Variants in RP1 observed in about 807,000 individuals in gnomAD.
RP1 encodes oxygen-regulated protein 1.
A neutral mutation model predicts 14.8 loss-of-function variants in RP1; 16 were observed. That is an observed-to-expected ratio of 1.08 (90% CI 0.73 to 1.65). The LOEUF (loss-of-function observed/expected upper bound fraction) is 1.65, where lower values mean the gene tolerates loss of function less well. Ranked by LOEUF, RP1 falls within the 40% of genes most tolerant of loss-of-function variation. The pLI is 0.00. For missense variants in RP1, 2,631 were observed against 2,535.0 expected (o/e 1.04, Z -0.81); for synonymous variants, 876 against 883.6 (o/e 0.99, Z 0.15).
At chr8:54,710,282 C>T (rs1219676075) in intron 15 of RP1, among the ~76,000 whole-genome samples, 4 of 152,218 alleles carry the variant, frequency 2.6e-5, no homozygotes, top group Admixed American at 6.5e-5. Context: ...CAAGTGCAGG[C>T]ACTGGAGCAA....
chr8:54,782,130 G>C (rs1404626872), intron 23 of RP1, among the ~76,000 whole-genome samples: 1 of 152,164 alleles, frequency 6.6e-6, no homozygotes, highest in Non-Finnish European at 1.5e-5. Flanking sequence ...ATTAAGTTAT[G>C]ATAGGATTCT....
Position 54,618,718 on chromosome 8 carries a change from C to T in RP1, c.-12-2237C>T, listed in dbSNP as rs371035707. The stretch of plus-strand genomic sequence containing the variant: ...TCATCCAGGCTGGGGTGCAGTGGTG[C>T]GATCTCAGCTCACTGCAACATCTGC... On this transcript the variant is annotated intron_variant, in intron 1 of 3. Coordinates refer to ENST00000220676, the MANE Select transcript of RP1 (RefSeq NM_006269.2). Among the ~76,000 whole-genome samples, 343 of 152,130 alleles carry T rather than the reference C, an allele frequency of 2.3e-3. 2 individuals carry two copies. Among genetic ancestry groups the T allele is most frequent in the South Asian group, 8.7e-3 (42 of 4,806 alleles).
chr8:54,601,090 C>T (rs1035770214), intron 1 of RP1, among the ~76,000 whole-genome samples: 3 of 152,136 alleles, frequency 2.0e-5, no homozygotes, highest in Admixed American at 2.0e-4. Flanking sequence ...CTGACCATTT[C>T]GTTTTGCCAT....
chr8:54,744,191 C>T (rs1809167165), intron 19 of RP1, among the ~76,000 whole-genome samples: 1 of 152,098 alleles, frequency 6.6e-6, no homozygotes, highest in South Asian at 2.1e-4. Flanking sequence ...AAAGATATGA[C>T]CATGGTGCAG....
intron 3 of RP1, among the ~76,000 whole-genome samples, chr8:54,636,318 C>T (rs555944776): frequency 1.3e-5 from 2 of 152,312 alleles, no homozygotes; most frequent in Admixed American, 6.5e-5. Flanking sequence ...AAGAGGCATC[C>T]CATGGAAGGC....
rs1004172147 is a variant in RP1 at position 54,734,568 on chromosome 8, A to G, written c.2545A>G (p.Ser849Gly). ...AGAAGAAATCAGACATTTCCAAAGT[A>G]GTGAGACTCTTCTGTCAGAAGATGA... Residue 849 changes from serine (S) to glycine (G), a missense_variant, in exon 18 of 23, where the codon AGT becomes GGT. By Grantham distance (56) the Ser-to-Gly change is moderately conservative. Coordinates refer to the RP1 transcript ENST00000636932. The G allele has an allele frequency of 7.2e-6, 11 of 1,535,244 alleles. No individual in the cohort carries two copies. The Admixed American group carries it at 2.2e-4, about 30-fold the overall frequency.
At position 54,626,795 on chromosome 8, in the gene RP1, T is replaced by C; in HGVS notation, c.2913T>C (p.Ser971=). ...AAATAAGTAATTTTGTTATGGAAAG[T>C]AATAAGCACATAACTAAAATTGCCG... is the stretch of plus-strand genomic sequence containing the variant. ...SGKISNFVME[S]NKHITKIAGL... The change falls in exon 4 of 4, where the codon AGT becomes AGC. Residue 971 remains serine, a synonymous_variant. Coordinates refer to ENST00000220676, the MANE Select transcript of RP1 (RefSeq NM_006269.2). 6.2e-7 allele frequency: 1 copy of C among 1,613,806 alleles called. No individual in the cohort carries two copies. The highest frequency in any genetic ancestry group is 8.5e-7 in the Non-Finnish European group (1 of 1,179,928).
intron 23 of RP1, among the ~76,000 whole-genome samples, chr8:54,783,167 T>C (rs1414163459): frequency 1.3e-5 from 2 of 152,178 alleles, no homozygotes; most frequent in Admixed American, 1.3e-4. Context: ...CTAGTACAGA[T>C]GATGCCTTAA....
At chr8:54,592,839 G>T (rs563400188) in intron 1 of RP1, among the ~76,000 whole-genome samples, 2 of 152,198 alleles carry the variant, frequency 1.3e-5, no homozygotes, top group African/African-American at 4.8e-5. Flanking sequence ...GCAGGAAGGG[G>T]GAAAATGGGA....
intron 24 of RP1, among the ~76,000 whole-genome samples, chr8:54,836,132 T>C (rs976269572): frequency 1.3e-5 from 2 of 152,144 alleles, no homozygotes; most frequent in Non-Finnish European, 2.9e-5. Context: ...AAAAATATTT[T>C]AGTAGAAAAA....
intron 22 of RP1, among the ~76,000 whole-genome samples, chr8:54,759,795 A>C (rs950457620): frequency 1.3e-5 from 2 of 152,174 alleles, no homozygotes; most frequent in African/African-American, 4.8e-5. Flanking sequence ...TCTCAGTCAC[A>C]GGGAATAGGC....
At chr8:54,757,923 T>G (rs1275826692) in intron 21 of RP1, among the ~76,000 whole-genome samples, 1 of 152,198 alleles carries the variant, frequency 6.6e-6, no homozygotes, top group East Asian at 1.9e-4. Context: ...ACTGGACTAG[T>G]AATGGTTTTG....
chr8:54,648,936 C>T (rs1806602086), intron 3 of RP1: 2 of 1,366,190 alleles, frequency 1.5e-6, no homozygotes, highest in East Asian at 2.6e-5. Flanking sequence ...TCTGAGTCTT[C>T]CATTTCTATC....
chr8:54,798,954 C>CA (rs554743343), intron 24 of RP1, among the ~76,000 whole-genome samples: 4 of 151,856 alleles, frequency 2.6e-5, no homozygotes, highest in Non-Finnish European at 4.4e-5. Context: ...ACTATGATAG[C>CA]AAAAAATGTT....
Position 54,625,392 on chromosome 8 carries a change from T to G in RP1, c.1510T>G (p.Ser504Ala), listed in dbSNP as rs530033470. The change falls in exon 4 of 4, where the codon TCT (serine) becomes GCT (alanine). Residue 504 changes from serine (S) to alanine (A), a missense_variant. By Grantham distance (99) the Ser-to-Ala change is moderately conservative. Transcript: ENST00000220676. ...NKSEYHMFTH[S>A]CSKMSSVSNK... The stretch of plus-strand genomic sequence containing the variant: ...GTCTGAGTATCACATGTTTACACAT[T>G]CTTGCAGTAAAATGTCATCAGTATC... 52 of 1,614,072 alleles carry G rather than the reference T, an allele frequency of 3.2e-5. 1 individual carries two copies. The Admixed American group carries it at 6.0e-4, about 19-fold the overall frequency.
chr8:54,807,055 A>G (rs1304019557), intron 24 of RP1, among the ~76,000 whole-genome samples: 8 of 152,228 alleles, frequency 5.3e-5, no homozygotes, highest in Admixed American at 4.6e-4. Context: ...ATTAATATCT[A>G]TTGACCACCT....
chr8:54,833,365 C>A (rs777041656), intron 24 of RP1, among the ~76,000 whole-genome samples: 16 of 151,772 alleles, frequency 1.1e-4, no homozygotes, highest in Non-Finnish European at 2.2e-4. Flanking sequence ...AGGTCAAATC[C>A]CTGGCTTCTC....
At chr8:54,605,419 T>G (rs1563323533) in intron 1 of RP1, among the ~76,000 whole-genome samples, 1 of 152,214 alleles carries the variant, frequency 6.6e-6, no homozygotes, top group African/African-American at 2.4e-5. Context: ...TGTTATAATT[T>G]CTATTCTTTT....
rs771020312 is a variant in RP1, at chr8:54,621,436, T to A, written c.470T>A (p.Val157Glu). ...PGMPRPPRSL[V>E]VFRNGDPKTR... ...ATGCCCCGCCCCCCACGGAGCCTAG[T>A]GGTCTTCAGGAATGGCGACCCGAAG... The change falls in exon 2 of 4, where the codon GTG becomes GAG. Residue 157 changes from valine to glutamate, a missense_variant. Physicochemically the swap from Val to Glu is moderately radical, Grantham distance 121. Coordinates refer to ENST00000220676, the MANE Select transcript of RP1 (RefSeq NM_006269.2). 3.7e-6 allele frequency: 6 copies of A among 1,613,712 alleles called. No homozygotes were observed. Among genetic ancestry groups the A allele is most frequent in the Non-Finnish European group, 4.2e-6 (5 of 1,179,992 alleles).
Sources: gnomAD v4.1 joint callset for allele counts (sites outside exome capture counted in the v4.1 genomes callset) on GRCh38, gnomAD v4.1.1 for gene constraint, MANE v1.5 for transcripts, NCBI Gene and HGNC (gene_info 2026-07-23, HGNC 2026-07-21) for gene names.